Variants in CD109 observed in about 807,000 individuals in gnomAD.
CD109 encodes the protein CD109 molecule, also known as CD109 antigen.
A neutral mutation model predicts 165.8 loss-of-function variants in CD109; 149 were observed. The observed-to-expected ratio is 0.90, with a 90% CI of 0.79 to 1.03. The LOEUF (loss-of-function observed/expected upper bound fraction) is 1.03. Among genes scored for constraint, CD109 ranks in the 50% least tolerant of loss-of-function variants. CD109 has a pLI of 0.00. For missense variants in CD109, 1,712 were observed against 1,677.8 expected (o/e 1.02, Z -0.36); for synonymous variants, 585 against 592.1 (o/e 0.99, Z 0.18).
At chr6:73,787,070 G>T (rs987139165) in intron 20 of CD109, among the ~76,000 whole-genome samples, 164 bp from the exon 21 acceptor site, 1 of 151,988 alleles carries the variant, frequency 6.6e-6, no homozygotes, top group Admixed American at 6.6e-5. Context: ...AAGAAATGAA[G>T]TTTTTCCTGA....
At chr6:73,795,696 T>C (rs72957374) in intron 23 of CD109, among the ~76,000 whole-genome samples, 4,946 of 152,204 alleles carry the variant, frequency 0.032, 118 homozygotes, top group Non-Finnish European at 0.05. Flanking sequence ...GAGTTTCCCC[T>C]TGGGAGGAAG....
intron 31 of CD109, among the ~76,000 whole-genome samples, chr6:73,819,939 A>G (rs1033897464): frequency 6.9e-6 from 1 of 144,868 alleles, no homozygotes; most frequent in African/African-American, 2.7e-5. Context: ...GGAATTTACT[A>G]ATTTCTGATT....
intron 32 of CD109, among the ~76,000 whole-genome samples, chr6:73,821,657 TG>T (rs1430114775): frequency 6.6e-6 from 1 of 151,884 alleles, no homozygotes; most frequent in East Asian, 1.9e-4. Flanking sequence ...CACTTATAAG[TG>T]GGAGCTGAAC....
chr6:73,756,039 C>T (rs910513538), intron 5 of CD109, among the ~76,000 whole-genome samples: 5 of 152,012 alleles, frequency 3.3e-5, no homozygotes, highest in Admixed American at 6.6e-5. Flanking sequence ...TAATAGCCCA[C>T]GTTTTCTTGT....
At chr6:73,716,791 C>T (rs1771760803) in intron 2 of CD109, among the ~76,000 whole-genome samples, 1 of 152,164 alleles carries the variant, frequency 6.6e-6, no homozygotes, top group Admixed American at 6.6e-5. Flanking sequence ...GACGTGATCC[C>T]ATTTGTCGAT....
intron 19 of CD109, among the ~76,000 whole-genome samples, chr6:73,784,304 A>G (rs950335764): frequency 1.3e-5 from 2 of 152,158 alleles, no homozygotes; most frequent in Non-Finnish European, 2.9e-5. Flanking sequence ...GAATTTTCTC[A>G]TTTGAAATTG....
At chr6:73,725,381 C>T (rs1220438488) in intron 3 of CD109, among the ~76,000 whole-genome samples, 1 of 152,060 alleles carries the variant, frequency 6.6e-6, no homozygotes. Context: ...GTTTCACATA[C>T]CGGAAGTGTA....
At chr6:73,798,589 C>T (rs181413616) in intron 23 of CD109, among the ~76,000 whole-genome samples, 6 of 152,096 alleles carry the variant, frequency 3.9e-5, no homozygotes, top group African/African-American at 1.4e-4. Context: ...CTTACTTTTC[C>T]ATGGGAGCAG....
chr6:73,802,801 G>A (rs918464738), intron 23 of CD109, among the ~76,000 whole-genome samples: 3 of 150,592 alleles, frequency 2.0e-5, no homozygotes, highest in Non-Finnish European at 4.4e-5. Flanking sequence ...CTGGGTTCAA[G>A]CGATTCTCCT....
intron 22 of CD109, 83 bp downstream of exon 22, chr6:73,788,695 T>C (rs1774795486): frequency 3.9e-6 from 5 of 1,291,208 alleles, no homozygotes; most frequent in African/African-American, 1.7e-5. Flanking sequence ...ATGTATTTTC[T>C]TATTGAGTCC....
In CD109 at chr6:73,780,544, A is replaced by G. The variant is rs201342517; in HGVS notation, c.1902+46A>G. On this transcript the variant is annotated intron_variant, in intron 16 of 32. Transcript: ENST00000287097. ...TGAAAAGATATTAATATTTTTTACT[A>G]TTGCAAACCCTTTCAGAATTAGTGA... is the stretch of plus-strand genomic sequence containing the variant. 302 of 1,222,662 alleles carry G rather than the reference A, an allele frequency of 2.5e-4. 1 individual carries two copies. In the African/African-American group the frequency reaches 3.9e-3, roughly 16 times the overall value. The allele number at this position is 1,222,662 out of a possible 1,614,324, so 75.7% of individuals were successfully genotyped here.
At chr6:73,729,218 A>G (rs1772252667) in intron 3 of CD109, among the ~76,000 whole-genome samples, 1 of 152,180 alleles carries the variant, frequency 6.6e-6, no homozygotes, top group South Asian at 2.1e-4. Flanking sequence ...TCTTTTTCTG[A>G]CATAGCCTAA....
intron 5 of CD109, among the ~76,000 whole-genome samples, chr6:73,738,735 C>T (rs185697531): frequency 4.1e-4 from 63 of 152,320 alleles, no homozygotes; most frequent in African/African-American, 1.3e-3. Context: ...TGTAAAGTGC[C>T]GCCCTTCCTC....
upstream of CD109, among the ~76,000 whole-genome samples, chr6:73,693,380 C>G (rs1770721438): frequency 6.6e-6 from 1 of 152,110 alleles, no homozygotes; most frequent in Non-Finnish European, 1.5e-5. Context: ...TCACTCACCC[C>G]CCGACCCCCA....
chr6:73,792,775 G>T lies in CD109; in HGVS notation c.2851G>T (p.Glu951Ter). 1 of 1,608,978 alleles carries T rather than the reference G, an allele frequency of 6.2e-7. No homozygotes were observed. Among genetic ancestry groups the T allele is most frequent in the South Asian group, 1.1e-5 (1 of 90,436 alleles). The change falls in exon 23 of 33, where the codon GAA becomes TAA. Residue 951 changes from glutamate (E) to a stop codon, truncating the protein, a stop_gained. Coordinates refer to ENST00000287097, the MANE Select transcript of CD109 (RefSeq NM_133493.5). LOFTEE classifies it high-confidence loss of function. ...GAAACAACTGACAGATAATTTGAAA[G>T]AAAAAGCTCTTTCATTTATGAGGCA... ...KKKQLTDNLK[E>*]KALSFMRQGY...
At chr6:73,766,726 G>A (rs959128434) in intron 11 of CD109, 33 bp from the exon 12 acceptor site, 7 of 1,471,328 alleles carry the variant, frequency 4.8e-6, no homozygotes, top group East Asian at 2.3e-5. Flanking sequence ...TACTAAAGAT[G>A]AACATTTACA....
intron 2 of CD109, among the ~76,000 whole-genome samples, chr6:73,707,306 G>A (rs1316772758): frequency 3.3e-5 from 5 of 152,170 alleles, no homozygotes; most frequent in Admixed American, 6.5e-5. Flanking sequence ...TAAGAGGAAC[G>A]GTTATCTACG....
chr6:73,781,748 T>TACACAC (rs71845700), intron 17 of CD109, among the ~76,000 whole-genome samples: 29 of 145,716 alleles, frequency 2.0e-4, no homozygotes, highest in African/African-American at 5.4e-4. Context: ...AGTATTCTGG[T>TACACAC]ACACACACAC....
At chr6:73,701,152 A>G (rs1325645339) in intron 2 of CD109, among the ~76,000 whole-genome samples, 1 of 148,274 alleles carries the variant, frequency 6.7e-6, no homozygotes, top group Non-Finnish European at 1.5e-5. Context: ...TAGAAAAAGT[A>G]TTTCTGCTAC....
Sources: gnomAD v4.1 joint callset for allele counts (sites outside exome capture counted in the v4.1 genomes callset) on GRCh38, gnomAD v4.1.1 for gene constraint, MANE v1.5 for transcripts, NCBI Gene and HGNC (gene_info 2026-07-23, HGNC 2026-07-21) for gene names.